JAZF1: variants seen among roughly 807,000 people sequenced by gnomAD.
JAZF1 encodes juxtaposed with another zinc finger protein 1.
Under a neutral mutation model 26.4 loss-of-function variants are expected in JAZF1, and 8 were observed. The ratio of observed to expected loss-of-function variants is 0.30; its 90% CI spans 0.18 to 0.55. The LOEUF (loss-of-function observed/expected upper bound fraction) is 0.55, where lower values mean the gene tolerates loss of function less well. Ranked by LOEUF, JAZF1 falls within the 20% of genes least tolerant of loss-of-function variation. JAZF1 has a pLI of 0.94. For synonymous variants in JAZF1, 126 were observed against 122.3 expected, an observed-to-expected ratio of 1.03 and a Z score of -0.20; for missense variants, 199 against 322.0, an observed-to-expected ratio of 0.62 and a Z score of 2.92.
At position 27,916,938 on chromosome 7, in the gene JAZF1, A is replaced by G. The variant is rs1186257138; in HGVS notation, c.189-21522T>C. ...GCAAATTTACAAACACCTAATCCAC[A>G]GATAATAGCAACTGACTAGGCCTGG... On this transcript the variant is annotated intron_variant, in intron 2 of 4. Transcript: ENST00000283928. 2.0e-5 allele frequency among the ~76,000 whole-genome samples: 3 copies of G among 152,222 alleles called. No homozygotes were observed. In the East Asian group the frequency reaches 5.8e-4, roughly 29 times the overall value.
At chr7:28,096,683 T>G (rs1784391306) in intron 1 of JAZF1, among the ~76,000 whole-genome samples, 1 of 152,136 alleles carries the variant, frequency 6.6e-6, no homozygotes, top group South Asian at 2.1e-4. Context: ...TTTTAACTTT[T>G]TCATTTGCAA....
At chr7:28,073,665 C>T (rs1784009982) in intron 1 of JAZF1, among the ~76,000 whole-genome samples, 1 of 152,114 alleles carries the variant, frequency 6.6e-6, no homozygotes, top group African/African-American at 2.4e-5. Context: ...TTATTTACGT[C>T]ACATATGCAT....
chr7:28,117,753 C>T (rs975226942), intron 1 of JAZF1, among the ~76,000 whole-genome samples: 3 of 152,184 alleles, frequency 2.0e-5, no homozygotes, highest in African/African-American at 7.2e-5. Context: ...TTTATGGGAA[C>T]TGCCAAGTTT....
In JAZF1 at chr7:27,907,770, G is replaced by A. The variant is rs1183843863; in HGVS notation, c.189-12354C>T. 3.3e-5 allele frequency among the ~76,000 whole-genome samples: 5 copies of A among 152,156 alleles called. No individual in the cohort carries two copies. In the East Asian group the frequency reaches 9.6e-4, roughly 29 times the overall value. Reference sequence around the variant, plus strand: ...TCTCAAATAGGTAGGGTTTTTCTATGCCAGAGATGGCACACACAGTGGCTC... The same window carrying A: ...TCTCAAATAGGTAGGGTTTTTCTATACCAGAGATGGCACACACAGTGGCTC... On this transcript the variant is annotated intron_variant, in intron 2 of 4. Transcript: ENST00000283928.
At chr7:28,004,437 C>T (rs2128368582) in intron 1 of JAZF1, among the ~76,000 whole-genome samples, 1 of 152,116 alleles carries the variant, frequency 6.6e-6, no homozygotes, top group East Asian at 1.9e-4. Flanking sequence ...GGACCCATCC[C>T]CAAAGATTCT....
chr7:27,902,813 G>A (rs1784187314), intron 2 of JAZF1, among the ~76,000 whole-genome samples: 2 of 151,968 alleles, frequency 1.3e-5, no homozygotes, highest in South Asian at 2.1e-4. Context: ...TCAGGAGATC[G>A]AGACCATCTT....
intron 3 of JAZF1, among the ~76,000 whole-genome samples, chr7:27,891,033 G>A (rs958606932): frequency 7.3e-5 from 11 of 151,626 alleles, no homozygotes; most frequent in Admixed American, 2.6e-4. Context: ...CAAGTGATTC[G>A]CCTGCCTCTG....
At chr7:28,090,445 A>C (rs1397500521) in intron 1 of JAZF1, among the ~76,000 whole-genome samples, 1 of 152,244 alleles carries the variant, frequency 6.6e-6, no homozygotes, top group African/African-American at 2.4e-5. Flanking sequence ...AACATTATTA[A>C]ATCAAAGCAT....
chr7:27,987,593 C>G lies in JAZF1; in HGVS notation c.188+4316G>C, dbSNP rs373058373. 4.6e-3 allele frequency among the ~76,000 whole-genome samples: 699 copies of G among 151,856 alleles called. 3 individuals are homozygous for G. The highest frequency in any genetic ancestry group is 7.7e-3 in the South Asian group (37 of 4,820). ...GGGGGGCAGCCCCCGCCCGGCCAGCCGCCCCGTCCGGGAGGGAGATGGGGG... is the reference window on the plus strand; with the variant it reads ...GGGGGGCAGCCCCCGCCCGGCCAGCGGCCCCGTCCGGGAGGGAGATGGGGG... On this transcript the variant is annotated intron_variant, in intron 2 of 4. Coordinates refer to ENST00000283928, the MANE Select transcript of JAZF1 (RefSeq NM_175061.4).
At chr7:28,100,369 CAA>C (rs1562587218) in intron 1 of JAZF1, among the ~76,000 whole-genome samples, 1 of 151,860 alleles carries the variant, frequency 6.6e-6, no homozygotes, top group Non-Finnish European at 1.5e-5. Flanking sequence ...AAATCCAAAT[CAA>C]AAAAGTTTTA....
chr7:27,999,475 C>T (rs905700068), intron 1 of JAZF1, among the ~76,000 whole-genome samples: 1 of 152,178 alleles, frequency 6.6e-6, no homozygotes, highest in Non-Finnish European at 1.5e-5. Context: ...CTCTCGAATT[C>T]ATCTCTGAAG....
intron 1 of JAZF1, among the ~76,000 whole-genome samples, chr7:28,031,596 G>C (rs964666406): frequency 2.6e-5 from 4 of 152,144 alleles, no homozygotes; most frequent in African/African-American, 9.7e-5. Context: ...TTTTCACTTA[G>C]AAAATGGGCT....
At chr7:28,000,602 CTTTCT>C (rs1786128688) in intron 1 of JAZF1, among the ~76,000 whole-genome samples, 1 of 16,848 alleles carries the variant, frequency 5.9e-5, no homozygotes, top group Admixed American at 4.4e-4. Flanking sequence ...TTTTCTTTTT[CTTTCT>C]TTCTTTCTTT....
intron 1 of JAZF1, among the ~76,000 whole-genome samples, chr7:28,088,680 C>G (rs1179818387): frequency 2.6e-5 from 4 of 152,172 alleles, no homozygotes; most frequent in Non-Finnish European, 5.9e-5. Context: ...GTCTCCATTC[C>G]CAAGGACTGG....
At chr7:27,833,037 A>C in intron 4 of JAZF1, 61 bp from the exon 5 acceptor site, 1 of 1,391,500 alleles carries the variant, frequency 7.2e-7, no homozygotes. Context: ...AAACTTCGGA[A>C]ACCTCAATTT....
At chr7:28,050,536 C>T (rs1030980100) in intron 1 of JAZF1, among the ~76,000 whole-genome samples, 5 of 152,134 alleles carry the variant, frequency 3.3e-5, no homozygotes, top group South Asian at 2.1e-4. Flanking sequence ...TATTTTTAAA[C>T]GTCCATGTTG....
chr7:27,955,672 A>G (rs563993905), intron 2 of JAZF1, among the ~76,000 whole-genome samples: 2 of 152,228 alleles, frequency 1.3e-5, no homozygotes, highest in Non-Finnish European at 2.9e-5. Flanking sequence ...CAATTTGACT[A>G]TATTTTATTT....
At chr7:28,129,815 T>A (rs1782759946) in intron 1 of JAZF1, among the ~76,000 whole-genome samples, 1 of 152,242 alleles carries the variant, frequency 6.6e-6, no homozygotes, top group African/African-American at 2.4e-5. Context: ...GTTGGTACAT[T>A]ACATTTTCCC....
At chr7:28,105,840 C>T (rs541489310) in intron 1 of JAZF1, among the ~76,000 whole-genome samples, 2 of 152,178 alleles carry the variant, frequency 1.3e-5, no homozygotes, top group Non-Finnish European at 2.9e-5. Flanking sequence ...CAAAGTGACT[C>T]GATGAGCACA....
Sources: gnomAD v4.1 joint callset for allele counts (sites outside exome capture counted in the v4.1 genomes callset) on GRCh38, gnomAD v4.1.1 for gene constraint, MANE v1.5 for transcripts, NCBI Gene and HGNC (gene_info 2026-07-23, HGNC 2026-07-21) for gene names.